Variants in MEST observed in about 807,000 individuals in gnomAD.
The protein encoded by MEST is mesoderm-specific transcript homolog protein.
In MEST, 18 loss-of-function variants were observed where a neutral mutation model predicts 50.9. That is an observed-to-expected ratio of 0.35 (90% CI 0.24 to 0.52). The LOEUF (loss-of-function observed/expected upper bound fraction) is 0.52, where lower values mean the gene tolerates loss of function less well. MEST is among the 20% of genes least tolerant of loss of function. MEST has a pLI of 0.94. For missense variants in MEST, 282 were observed against 425.3 expected (o/e 0.66, Z 2.96); for synonymous variants, 130 against 154.1 (o/e 0.84, Z 1.16).
intron 5 of MEST, 37 bp downstream of exon 5, chr7:130,498,312 G>C (rs1449997463): frequency 6.2e-7 from 1 of 1,612,606 alleles, no homozygotes; most frequent in Non-Finnish European, 8.5e-7. Context: ...ATGATGCTAG[G>C]AAAGTACATT....
At chr7:130,502,099 G>A (rs936629239) in intron 9 of MEST, among the ~76,000 whole-genome samples, 2 of 152,266 alleles carry the variant, frequency 1.3e-5, no homozygotes, top group East Asian at 3.9e-4. Context: ...GCACATGCCT[G>A]TACTCCCAGC....
intron 6 of MEST, among the ~76,000 whole-genome samples, chr7:130,498,995 A>G (rs1310448118): frequency 1.3e-5 from 2 of 152,260 alleles, no homozygotes; most frequent in Non-Finnish European, 2.9e-5. Context: ...ATGAAACGTT[A>G]TAATGGAACC....
Position 130,492,554 on chromosome 7 carries a change from G to A in MEST, c.26+215G>A, listed in dbSNP as rs1554435688. The A allele has an allele frequency of 1.3e-5, 5 of 390,832 alleles. No homozygotes were observed. The allele number at this position is 390,832 out of a possible 1,614,324, so 24.2% of individuals were successfully genotyped here. A position where few individuals can be genotyped will look rare whatever the true frequency, so the allele number is the denominator to read the frequency against. On this transcript the variant is annotated intron_variant, in intron 1 of 11. Transcript: ENST00000223215. The surrounding 1 kb of genome is among the most constrained non-coding windows in gnomAD (Gnocchi z 7.6). ...TGTTCAGAACGCGGGACCTCCTTGG[G>A]TTAGGATTTCTAGACCCCGGGATCG...
Position 130,492,296 on chromosome 7 carries a change from G to A in MEST, c.-18G>A, listed in dbSNP as rs1798853407. 7.4e-7 allele frequency: 1 copy of A among 1,347,434 alleles called. No individual in the cohort carries two copies. Among genetic ancestry groups the A allele is most frequent in the Non-Finnish European group, 9.5e-7 (1 of 1,050,084 alleles). 83.5% of individuals were successfully genotyped at this position (1,347,434 alleles called of 1,614,324 possible). On this transcript the variant is annotated 5_prime_UTR_variant, in exon 1 of 12. Transcript: ENST00000223215. The surrounding 1 kb of genome is among the most constrained non-coding windows in gnomAD (Gnocchi z 7.6). The stretch of plus-strand genomic sequence containing the variant: ...GTGCTCTGCAACGCTGCGGCGGGCG[G>A]CATGGGATAACGCGGCCATGGTGCG...
chr7:130,496,976 G>A (rs539162164), intron 2 of MEST, 180 bp from the exon 3 acceptor site: 8 of 446,892 alleles, frequency 1.8e-5, no homozygotes, highest in Admixed American at 1.7e-4. Flanking sequence ...AGATTGAAAG[G>A]AGAAAAGGCC....
Position 130,500,602 on chromosome 7 carries a change from G to A in MEST, c.647+70G>A. On this transcript the variant is annotated intron_variant, in intron 8 of 11. Transcript: ENST00000223215. This position sits in a 1 kb window ranked among gnomAD's most constrained non-coding sequence, Gnocchi z 5.0. ...AAAGTTGCTGCCATTACAATTCTGGGCCAAATCCTAAGGCTTGATATTTTA... is the reference window on the plus strand; with the variant it reads ...AAAGTTGCTGCCATTACAATTCTGGACCAAATCCTAAGGCTTGATATTTTA... 1 of 1,471,794 alleles carries A rather than the reference G, an allele frequency of 6.8e-7. No individual in the cohort carries two copies. The highest frequency in any genetic ancestry group is 9.4e-7 in the Non-Finnish European group (1 of 1,067,504). 91.2% of individuals were successfully genotyped at this position (1,471,794 alleles called of 1,614,324 possible).
At chr7:130,498,061 C>T (rs1799132957) in intron 4 of MEST, 48 bp downstream of exon 4, 1 of 1,613,854 alleles carries the variant, frequency 6.2e-7, no homozygotes, top group Non-Finnish European at 8.5e-7. Context: ...GGGGCAGACG[C>T]AGACTATGAG....
intron 1 of MEST, chr7:130,494,766 A>T (rs889040752): frequency 1.5e-5 from 14 of 922,362 alleles, no homozygotes; most frequent in Non-Finnish European, 1.7e-5. Flanking sequence ...TCTCAGCCCA[A>T]ATCCAGAAAG....
chr7:130,503,986 G>A lies in MEST; in HGVS notation c.880G>A (p.Glu294Lys), dbSNP rs569869957. 6.2e-7 allele frequency: 1 copy of A among 1,612,764 alleles called. No homozygotes were observed. The highest frequency in any genetic ancestry group is 1.1e-5 in the South Asian group (1 of 91,030). ...DPVNPYPEFL[E>K]LYRKTLPRST... ...TGTAAATCCCTATCCAGAGTTTTTG[G>A]AGCTGTACAGGTGAGTCTCCCCGAG... The change falls in exon 11 of 12, where the codon GAG becomes AAG. Residue 294 changes from glutamate (E) to lysine (K), a missense_variant. Glu to Lys is a moderately conservative substitution (Grantham distance 56, BLOSUM62 1). Transcript: ENST00000223215.
exon 1 of MEST, chr7:130,486,200 G>C (rs1229213953): frequency 6.6e-6 from 1 of 152,256 alleles, no homozygotes; most frequent in African/African-American, 2.4e-5. Flanking sequence ...CAGGGAGAAG[G>C]CGGCAGCACA....
In MEST at chr7:130,497,913, A is replaced by C. The variant is rs781793314; in HGVS notation, c.262-23A>C. On this transcript the variant is annotated intron_variant, in intron 3 of 11. Coordinates refer to ENST00000223215, the MANE Select transcript of MEST (RefSeq NM_002402.4). This position sits in a 1 kb window ranked among gnomAD's most constrained non-coding sequence, Gnocchi z 4.0. Reference sequence around the variant, plus strand: ...AGGGAGGGGCAGGAGCAGAAAGCCCAAATCATCGTTTCTTTCTTGTAGATT... The same window carrying C: ...AGGGAGGGGCAGGAGCAGAAAGCCCCAATCATCGTTTCTTTCTTGTAGATT... 1.9e-6 allele frequency: 3 copies of C among 1,612,762 alleles called. No individual in the cohort carries two copies. Among genetic ancestry groups the C allele is most frequent in the East Asian group, 2.2e-5 (1 of 44,882 alleles).
chr7:130,503,392 C>T (rs1355442737), intron 10 of MEST, among the ~76,000 whole-genome samples: 1 of 152,132 alleles, frequency 6.6e-6, no homozygotes, highest in Non-Finnish European at 1.5e-5. Context: ...GATGAGGGAC[C>T]AAATGGTTGT....
At chr7:130,498,346 T>C (rs1344911194) in intron 5 of MEST, 71 bp downstream of exon 5, 5 of 1,611,174 alleles carry the variant, frequency 3.1e-6, no homozygotes, top group Non-Finnish European at 4.2e-6. Flanking sequence ...TTGTATCCTT[T>C]TTCTCTCGTT....
rs1798843783 is a variant in MEST, at chr7:130,492,177, G to C, written c.-137G>C. On this transcript the variant is annotated 5_prime_UTR_variant, in exon 1 of 12. Transcript: ENST00000223215. The surrounding 1 kb of genome is among the most constrained non-coding windows in gnomAD (Gnocchi z 7.6). ...AGCGCACGCCGGAGTGGCTGTAGCT[G>C]CCCGGCGCGGCGCCGCCCTGCGCGG... The C allele has an allele frequency of 1.0e-5, 6 of 572,834 alleles. No individual in the cohort carries two copies. The South Asian group carries it at 5.2e-4, about 49-fold the overall frequency. The allele number at this position is 572,834 out of a possible 1,614,324, so 35.5% of individuals were successfully genotyped here.
chr7:130,504,253 A>G (rs1247549294), intron 11 of MEST, among the ~76,000 whole-genome samples: 1 of 152,252 alleles, frequency 6.6e-6, no homozygotes, highest in Non-Finnish European at 1.5e-5. Flanking sequence ...TCCTTGGTGT[A>G]CAAAAAGCTC....
intron 1 of MEST, chr7:130,486,419 T>TGG (rs1798621997): frequency 6.6e-6 from 1 of 151,854 alleles, no homozygotes; most frequent in Admixed American, 6.6e-5. Context: ...GGGGAAGGAG[T>TGG]GGAGCCTCCC....
chr7:130,498,433 G>A lies in MEST; in HGVS notation c.491G>A (p.Arg164Gln), dbSNP rs781873430. Residue 164 changes from arginine to glutamine, a missense_variant, in exon 6 of 12, where the codon CGA becomes CAA. Coordinates refer to ENST00000223215, the MANE Select transcript of MEST (RefSeq NM_002402.4). ...QELLYRYKQNRSGRLTIKSLC... is the reference protein window; with the variant it reads ...QELLYRYKQNQSGRLTIKSLC... ...CTCCCTTCTAGGTACAAGCAGAATC[G>A]ATCTGGTCGGCTTACCATAAAGAGT... The A allele has an allele frequency of 6.2e-6, 10 of 1,614,100 alleles. No individual in the cohort carries two copies. The highest frequency in any genetic ancestry group is 8.5e-6 in the Non-Finnish European group (10 of 1,180,030).
intron 6 of MEST, chr7:130,498,831 T>C (rs1799169392): frequency 3.1e-6 from 1 of 322,992 alleles, no homozygotes; most frequent in Non-Finnish European, 5.7e-6. Flanking sequence ...GTGTAAAGAC[T>C]GTTTGCCATA....
intron 6 of MEST, among the ~76,000 whole-genome samples, chr7:130,499,301 C>A (rs1187418354): frequency 6.6e-6 from 1 of 152,200 alleles, no homozygotes; most frequent in Non-Finnish European, 1.5e-5. Context: ...ATCACTTATG[C>A]TCATGGCTTT....
Sources: allele counts gnomAD v4.1 joint callset (sites outside exome capture counted in the v4.1 genomes callset), GRCh38; gene constraint gnomAD v4.1.1; non-coding constraint Gnocchi (gnomAD v3.1); transcripts MANE v1.5; gene names NCBI Gene and HGNC (gene_info 2026-07-23, HGNC 2026-07-21).